The following TTC29 variants were observed in gnomAD, a reference collection of about 807,000 sequenced individuals.
TTC29 encodes tetratricopeptide repeat protein 29.
TTC29 carries 49 observed loss-of-function variants against 58.1 expected under a neutral mutation model. The ratio of observed to expected loss-of-function variants is 0.84; its 90% CI spans 0.67 to 1.07. The LOEUF is 1.07. Among genes scored for constraint, TTC29 ranks in the 50% least tolerant of loss-of-function variants. TTC29 has a pLI of 0.00. For synonymous variants in TTC29, 209 were observed against 196.8 expected (o/e 1.06, Z -0.52); for missense variants, 582 against 555.6 (o/e 1.05, Z -0.48).
chr4:146,939,411 C>T (rs1736153076), intron 3 of TTC29, among the ~76,000 whole-genome samples: 1 of 152,144 alleles, frequency 6.6e-6, no homozygotes, highest in Non-Finnish European at 1.5e-5. Context: ...GCTGAGATCA[C>T]ACCACTGCAC....
intron 11 of TTC29, among the ~76,000 whole-genome samples, chr4:146,733,454 AC>A (rs1744493671): frequency 6.6e-6 from 1 of 152,258 alleles, no homozygotes. Context: ...GCAGTCACTA[AC>A]CTAATATCGA....
intron 11 of TTC29, among the ~76,000 whole-genome samples, chr4:146,722,949 C>G (rs551558737): frequency 1.9e-4 from 29 of 152,292 alleles, no homozygotes; most frequent in African/African-American, 6.7e-4. Flanking sequence ...CCACCCGCCT[C>G]AGCCTCCCAA....
chr4:146,786,193 G>A (rs1451993318), intron 11 of TTC29, among the ~76,000 whole-genome samples: 2 of 152,138 alleles, frequency 1.3e-5, no homozygotes, highest in Non-Finnish European at 2.9e-5. Context: ...CTCCCTCTTC[G>A]TCTTTCTCTT....
At chr4:146,733,027 G>C (rs1421095365) in intron 11 of TTC29, among the ~76,000 whole-genome samples, 1 of 152,148 alleles carries the variant, frequency 6.6e-6, no homozygotes, top group Non-Finnish European at 1.5e-5. Context: ...GGAATAGTGG[G>C]AGAAAGGTGG....
chr4:146,754,286 A>G (rs984998585), intron 11 of TTC29, among the ~76,000 whole-genome samples: 2 of 152,086 alleles, frequency 1.3e-5, no homozygotes, highest in Admixed American at 1.3e-4. Flanking sequence ...TGAGTCAGGA[A>G]GAACTAGAAA....
At chr4:146,914,181 G>T (rs1334930939) in intron 4 of TTC29, among the ~76,000 whole-genome samples, 1 of 151,534 alleles carries the variant, frequency 6.6e-6, no homozygotes, top group African/African-American at 2.4e-5. Flanking sequence ...AAATAAATCG[G>T]CTATCTAAAA....
intron 6 of TTC29, among the ~76,000 whole-genome samples, chr4:146,888,776 C>T (rs572119395): frequency 3.9e-5 from 6 of 152,144 alleles, no homozygotes; most frequent in Admixed American, 3.9e-4. Flanking sequence ...ACTAATCATT[C>T]TTTTTTTATG....
rs1322207751 is a variant in TTC29, at chr4:146,759,363, A to G, written c.1330+44094T>C. 2.0e-5 allele frequency among the ~76,000 whole-genome samples: 3 copies of G among 151,774 alleles called. No homozygotes were observed. The East Asian group carries it at 5.8e-4, about 29-fold the overall frequency. ...AAAATTAGCAAGAAACATTCAAAGA[A>G]GAATTGGTACCAATACTTCTGACAC... On this transcript the variant is annotated intron_variant, in intron 11 of 12. Coordinates refer to ENST00000325106, the MANE Select transcript of TTC29 (RefSeq NM_031956.4).
intron 11 of TTC29, among the ~76,000 whole-genome samples, chr4:146,766,915 T>A (rs1033964839): frequency 3.9e-5 from 6 of 152,182 alleles, no homozygotes; most frequent in African/African-American, 1.4e-4. Context: ...TTAAATTAAT[T>A]GTTTAAGATA....
At chr4:146,862,529 C>T (rs1730301583) in intron 8 of TTC29, among the ~76,000 whole-genome samples, 1 of 152,090 alleles carries the variant, frequency 6.6e-6, no homozygotes, top group Non-Finnish European at 1.5e-5. Flanking sequence ...GAAAAAGTGT[C>T]TAAGATAGGA....
chr4:146,800,429 G>T (rs1561136573), intron 11 of TTC29, among the ~76,000 whole-genome samples: 1 of 151,882 alleles, frequency 6.6e-6, no homozygotes, highest in African/African-American at 2.4e-5. Context: ...TCTTTGATCT[G>T]TTTTTTTTCT....
chr4:146,925,989 C>T (rs1282073629), intron 4 of TTC29, among the ~76,000 whole-genome samples: 1 of 152,138 alleles, frequency 6.6e-6, no homozygotes, highest in Admixed American at 6.6e-5. Flanking sequence ...TTAACCTCTC[C>T]ATGCCTTCGT....
intron 4 of TTC29, among the ~76,000 whole-genome samples, chr4:146,916,262 GT>G (rs1734215640): frequency 6.6e-6 from 1 of 151,406 alleles, no homozygotes; most frequent in Non-Finnish European, 1.5e-5. Context: ...ATGTTTTATA[GT>G]TTTTGGTAAA....
intron 6 of TTC29, among the ~76,000 whole-genome samples, chr4:146,885,640 G>A (rs374686599): frequency 2.6e-5 from 4 of 152,056 alleles, no homozygotes; most frequent in South Asian, 4.2e-4. Context: ...AACATTTTTA[G>A]AACTGGAATT....
chr4:146,810,156 G>T (rs1750913890), intron 10 of TTC29, among the ~76,000 whole-genome samples: 1 of 151,988 alleles, frequency 6.6e-6, no homozygotes, highest in African/African-American at 2.4e-5. Flanking sequence ...AGCAAACACA[G>T]GAACAGAAAA....
intron 4 of TTC29, among the ~76,000 whole-genome samples, chr4:146,928,167 C>G (rs1735064999): frequency 6.6e-6 from 1 of 152,062 alleles, no homozygotes; most frequent in Non-Finnish European, 1.5e-5. Context: ...TGAGAGAAAA[C>G]ACAGTTTAAT....
At chr4:146,848,943 C>CA (rs1453188354) in intron 8 of TTC29, among the ~76,000 whole-genome samples, 1 of 152,218 alleles carries the variant, frequency 6.6e-6, no homozygotes, top group African/African-American at 2.4e-5. Context: ...ACCAAGCACA[C>CA]ATCCCAAGGT....
chr4:146,943,615 A>G (rs1422675197), intron 2 of TTC29, among the ~76,000 whole-genome samples: 3 of 152,184 alleles, frequency 2.0e-5, no homozygotes, highest in African/African-American at 7.2e-5. Flanking sequence ...CACATAAGGT[A>G]TTTTGTTTTA....
chr4:146,914,269 T>C lies in TTC29; in HGVS notation c.177-5020A>G, dbSNP rs77819320. 1.7e-3 allele frequency among the ~76,000 whole-genome samples: 256 copies of C among 152,294 alleles called. 4 individuals are homozygous for C. In the East Asian group the frequency reaches 0.027, roughly 16 times the overall value. On this transcript the variant is annotated intron_variant, in intron 4 of 12. Transcript: ENST00000325106. The stretch of plus-strand genomic sequence containing the variant: ...TCATAACAGAGAACCATAGCCCAAG[T>C]TCACTTGCTGTATGAAAGAGAATTG...
Sources: allele counts gnomAD v4.1 joint callset (sites outside exome capture counted in the v4.1 genomes callset), GRCh38; gene constraint gnomAD v4.1.1; transcripts MANE v1.5; gene names NCBI Gene and HGNC (gene_info 2026-07-23, HGNC 2026-07-21).